Variants in LAMA2 observed in about 807,000 individuals in gnomAD.
LAMA2 encodes the protein laminin subunit alpha 2.
In LAMA2, 269 loss-of-function variants were observed where a neutral mutation model predicts 364.8. The observed-to-expected ratio is 0.74, with a 90% CI of 0.67 to 0.82. The LOEUF is 0.82. Ranked by LOEUF, LAMA2 falls within the 40% of genes least tolerant of loss-of-function variation. The probability of loss-of-function intolerance (pLI) is 0.00; values close to 1 mark genes in which losing one functional copy is unlikely to be tolerated. For synonymous variants in LAMA2, 1,379 were observed against 1,370.6 expected, an observed-to-expected ratio of 1.01 and a Z score of -0.14; for missense variants, 3,807 against 3,873.2, an observed-to-expected ratio of 0.98 and a Z score of 0.45.
intron 19 of LAMA2, 41 bp from the exon 20 acceptor site, chr6:129,291,573 T>C (rs1789704392): frequency 7.1e-7 from 1 of 1,401,886 alleles, no homozygotes. Context: ...TTAAGACTAT[T>C]AGAAAGTTTT....
Position 129,321,682 on chromosome 6 carries a change from A to G in LAMA2, c.4176+1027A>G, listed in dbSNP as rs147149874. 4.9e-3 allele frequency among the ~76,000 whole-genome samples: 746 copies of G among 152,318 alleles called. 4 individuals carry two copies. The highest frequency in any genetic ancestry group is 0.014 in the Middle Eastern group (4 of 294). ...GATGATGTAAGTTTTGATGGTTAAT[A>G]TTATTATTAATGTAATCACTAGTTA... On this transcript the variant is annotated intron_variant, in intron 28 of 64. Transcript: ENST00000421865.
At chr6:129,267,486 G>A (rs979141713) in intron 16 of LAMA2, among the ~76,000 whole-genome samples, 2 of 152,024 alleles carry the variant, frequency 1.3e-5, no homozygotes, top group Non-Finnish European at 2.9e-5. Context: ...CTGATTGGAA[G>A]TATAACTACC....
chr6:129,192,786 C>T lies in LAMA2; in HGVS notation c.1715C>T (p.Ala572Val), dbSNP rs149811988. The change falls in exon 12 of 65, where the codon GCG becomes GTG. Residue 572 changes from alanine (A) to valine (V), a missense_variant. Ala to Val is a moderately conservative substitution (Grantham distance 64, BLOSUM62 0). Coordinates refer to ENST00000421865, the MANE Select transcript of LAMA2 (RefSeq NM_000426.4). ...DSPQQISISN[A>V]EARQALPHSY... ...CCTCAGCAGATCAGCATCAGTAACG[C>T]GGAGGCCCGGCAAGCCCTGCCGCAC... 2.0e-5 allele frequency: 32 copies of T among 1,614,054 alleles called. No individual in the cohort carries two copies. Among genetic ancestry groups the T allele is most frequent in the South Asian group, 9.9e-5 (9 of 91,080 alleles).
intron 1 of LAMA2, among the ~76,000 whole-genome samples, chr6:128,921,704 T>TTTGTTTG (rs1554324909): frequency 2.1e-5 from 3 of 144,980 alleles, no homozygotes; most frequent in South Asian, 2.1e-4. Flanking sequence ...TCTGTTTTTT[T>TTTGTTTG]TTTTTTTTTA....
At chr6:129,264,390 G>A (rs934341461) in intron 15 of LAMA2, among the ~76,000 whole-genome samples, 10 of 151,818 alleles carry the variant, frequency 6.6e-5, no homozygotes, top group African/African-American at 2.4e-4. Context: ...GTGTGTGGGG[G>A]GGTGGGGGCA....
chr6:129,362,064 C>A (rs1335979868), intron 32 of LAMA2, among the ~76,000 whole-genome samples: 2 of 152,004 alleles, frequency 1.3e-5, no homozygotes. Context: ...GGATTACAGG[C>A]CTGAGCCACC....
At chr6:129,269,364 C>CTTTTTTTTTTTTTTTTTTTT (rs370461121) in intron 16 of LAMA2, among the ~76,000 whole-genome samples, 1 of 144,690 alleles carries the variant, frequency 6.9e-6, no homozygotes, top group Non-Finnish European at 1.5e-5. Flanking sequence ...AAGCTTCCAT[C>CTTTTTTTTTTTTTTTTTTTT]TTTTTTTTTT....
At chr6:129,165,943 AAGAG>A (rs72468842) in intron 9 of LAMA2, among the ~76,000 whole-genome samples, 31 of 152,192 alleles carry the variant, frequency 2.0e-4, no homozygotes, top group East Asian at 7.7e-4. Context: ...GAGATAAAGA[AAGAG>A]AGAGAGTCAA....
At chr6:129,308,496 A>G (rs1407080225) in intron 22 of LAMA2, among the ~76,000 whole-genome samples, 2 of 152,228 alleles carry the variant, frequency 1.3e-5, no homozygotes, top group African/African-American at 4.8e-5. Flanking sequence ...ACGTAGTTAT[A>G]TGTTTAGTAC....
intron 29 of LAMA2, among the ~76,000 whole-genome samples, chr6:129,338,395 T>C (rs1776074478): frequency 6.6e-6 from 1 of 152,196 alleles, no homozygotes; most frequent in Non-Finnish European, 1.5e-5. Context: ...AAATTATAAT[T>C]CATAGATAAT....
intron 33 of LAMA2, among the ~76,000 whole-genome samples, chr6:129,366,567 T>G (rs1777790876): frequency 6.6e-6 from 1 of 152,212 alleles, no homozygotes; most frequent in African/African-American, 2.4e-5. Flanking sequence ...AAGAGTCTCA[T>G]GTACCCCCCA....
At chr6:129,160,703 T>C (rs888154470) in intron 8 of LAMA2, among the ~76,000 whole-genome samples, 5 of 152,010 alleles carry the variant, frequency 3.3e-5, no homozygotes, top group African/African-American at 1.2e-4. Flanking sequence ...CTTTTAAATA[T>C]AGATTTCCTT....
At chr6:129,153,808 T>C (rs1583147543) in intron 7 of LAMA2, among the ~76,000 whole-genome samples, 1 of 152,162 alleles carries the variant, frequency 6.6e-6, no homozygotes, top group East Asian at 1.9e-4. Flanking sequence ...ATACTTTTCT[T>C]TACCCACAGG....
At chr6:129,206,138 A>G (rs1490492269) in intron 12 of LAMA2, among the ~76,000 whole-genome samples, 17 of 130,118 alleles carry the variant, frequency 1.3e-4, no homozygotes, top group African/African-American at 5.8e-4. Context: ...GGAAGGAAGG[A>G]AGGAAGGAAG....
intron 1 of LAMA2, among the ~76,000 whole-genome samples, chr6:128,941,237 C>T (rs919749814): frequency 7.9e-5 from 12 of 152,218 alleles, no homozygotes; most frequent in South Asian, 2.1e-4. Context: ...GACTTTATTT[C>T]GAACATTCAA....
intron 22 of LAMA2, among the ~76,000 whole-genome samples, chr6:129,303,830 T>C (rs180836029): frequency 6.6e-6 from 1 of 152,304 alleles, no homozygotes; most frequent in Admixed American, 6.5e-5. Context: ...TCTTAATGAT[T>C]TTGGATCTAC....
intron 12 of LAMA2, among the ~76,000 whole-genome samples, chr6:129,230,048 G>A (rs1784584791): frequency 6.6e-6 from 1 of 152,088 alleles, no homozygotes; most frequent in Non-Finnish European, 1.5e-5. Flanking sequence ...TAAACCAGAA[G>A]ACTAGATGTG....
chr6:129,223,998 G>C (rs7740312), intron 12 of LAMA2, among the ~76,000 whole-genome samples: 20,217 of 152,112 alleles, frequency 0.13, 3,356 homozygotes, highest in African/African-American at 0.39. Context: ...TCTTCCATTT[G>C]TTTGTGTCCT....
intron 34 of LAMA2, among the ~76,000 whole-genome samples, chr6:129,381,381 C>T (rs1330359208): frequency 6.6e-6 from 1 of 151,302 alleles, no homozygotes; most frequent in Admixed American, 6.6e-5. Flanking sequence ...CTCGCTCTGT[C>T]GCCAGGCTGG....
Sources: allele counts gnomAD v4.1 joint callset (sites outside exome capture counted in the v4.1 genomes callset), GRCh38; gene constraint gnomAD v4.1.1; transcripts MANE v1.5; gene names NCBI Gene and HGNC (gene_info 2026-07-23, HGNC 2026-07-21).